STARD4: variants seen among roughly 807,000 people sequenced by gnomAD.
The protein encoded by STARD4 is StAR related lipid transfer domain containing 4.
In STARD4, 33 loss-of-function variants were observed where a neutral mutation model predicts 24.9. The observed-to-expected ratio is 1.32, with a 90% CI of 1.00 to 1.77. The LOEUF is 1.77. STARD4 is among the 40% of genes most tolerant of loss of function. STARD4 has a pLI of 0.00. For synonymous variants in STARD4, 88 were observed against 77.4 expected, an observed-to-expected ratio of 1.14 and a Z score of -0.72; for missense variants, 238 against 249.3, an observed-to-expected ratio of 0.95 and a Z score of 0.31.
Position 111,499,978 on chromosome 5 carries a change from C to G in STARD4, c.526G>C (p.Asp176His), listed in dbSNP as rs777730676. Residue 176 changes from aspartate to histidine, a missense_variant, in exon 6 of 6, where the codon GAT (aspartate) becomes CAT (histidine). By Grantham distance (81) the Asp-to-His change is moderately conservative. Coordinates refer to ENST00000296632, the MANE Select transcript of STARD4 (RefSeq NM_139164.3). ...GACTGAGGAATCATCCCACGCAGAT[C>G]TGTCTGAATATATCCTGTCAAAAGA... Reference protein sequence around the residue: ...QSLLTGYIQTDLRGMIPQSAV... With the variant: ...QSLLTGYIQTHLRGMIPQSAV... 3.7e-6 allele frequency: 6 copies of G among 1,614,170 alleles called. No homozygotes were observed. The highest frequency in any genetic ancestry group is 5.1e-6 in the Non-Finnish European group (6 of 1,180,018).
At chr5:111,504,883 C>A in intron 3 of STARD4, 1 of 404,892 alleles carries the variant, frequency 2.5e-6, no homozygotes, top group Non-Finnish European at 4.8e-6. Context: ...ATTTGGCTCT[C>A]AATAAACGTT....
intron 1 of STARD4, among the ~76,000 whole-genome samples, chr5:111,510,365 C>T (rs997665947): frequency 2.0e-5 from 3 of 152,140 alleles, no homozygotes; most frequent in African/African-American, 4.8e-5. Context: ...ACCTAATTTG[C>T]CCTCCTGCAA....
At chr5:111,500,425 C>T in intron 5 of STARD4, 2 of 1,077,110 alleles carry the variant, frequency 1.9e-6, no homozygotes, top group Non-Finnish European at 2.2e-6. Context: ...TCCATGGTAC[C>T]GTAACTATTC....
Position 111,501,119 on chromosome 5 carries a change from GA to G in STARD4, c.283-4del, listed in dbSNP as rs1272743834. 6.3e-7 allele frequency: 1 copy of G among 1,584,144 alleles called. No homozygotes were observed. Among genetic ancestry groups the G allele is most frequent in the African/African-American group, 1.4e-5 (1 of 72,810 alleles). On this transcript the variant is annotated splice_polypyrimidine_tract_variant and splice_region_variant and intron_variant, in intron 4 of 5. Transcript: ENST00000296632. ...GTGTAACGCATCACACAGCAATTCT[GA>G]AAAAGAAGAGATAAGACAAGTGTTA...
intron 5 of STARD4, chr5:111,500,658 C>G: frequency 7.9e-7 from 1 of 1,259,952 alleles, no homozygotes. Flanking sequence ...TAAGACACAC[C>G]AAATCTAGTA....
chr5:111,506,949 A>G (rs1386629118), intron 2 of STARD4, among the ~76,000 whole-genome samples: 1 of 152,230 alleles, frequency 6.6e-6, no homozygotes, highest in East Asian at 1.9e-4. Flanking sequence ...ATTAGTAAAA[A>G]GGAATACTAA....
intron 3 of STARD4, chr5:111,505,105 T>C (rs1027730299): frequency 1.4e-5 from 6 of 443,274 alleles, no homozygotes; most frequent in Non-Finnish European, 2.7e-5. Flanking sequence ...CAATTCCTTC[T>C]GCCTAGAACA....
rs1274337991 is a variant in STARD4 at position 111,507,458 on chromosome 5, A to G, written c.-9-16T>C. The G allele has an allele frequency of 1.3e-6, 2 of 1,598,552 alleles. No homozygotes were observed. The highest frequency in any genetic ancestry group is 1.7e-6 in the Non-Finnish European group (2 of 1,170,246). On this transcript the variant is annotated splice_polypyrimidine_tract_variant and intron_variant, in intron 1 of 5. Coordinates refer to ENST00000296632, the MANE Select transcript of STARD4 (RefSeq NM_139164.3). This position sits in a 1 kb window ranked among gnomAD's most constrained non-coding sequence, Gnocchi z 4.4. ...TTACTTCTCTCTGTTATGGAGACCA[A>G]GATTAGCATCAGCAAATACCACAGT...
chr5:111,500,981 A>G (rs747126777), intron 5 of STARD4, 21 bp downstream of exon 5: 11 of 1,613,658 alleles, frequency 6.8e-6, no homozygotes, highest in East Asian at 4.5e-5. Context: ...GAAAAAAAGC[A>G]TAACATGTTG....
At chr5:111,503,593 C>G (rs1756631680) in intron 3 of STARD4, among the ~76,000 whole-genome samples, 1 of 152,122 alleles carries the variant, frequency 6.6e-6, no homozygotes, top group African/African-American at 2.4e-5. Context: ...TGCGTCACTG[C>G]ACTCCAGCCT....
intron 3 of STARD4, among the ~76,000 whole-genome samples, chr5:111,505,456 T>C (rs1402026685): frequency 2.0e-5 from 3 of 152,208 alleles, no homozygotes; most frequent in Admixed American, 6.5e-5. Context: ...ATGTGAACAT[T>C]CTACTCCAAG....
chr5:111,503,727 C>G (rs189632467), intron 3 of STARD4, among the ~76,000 whole-genome samples: 3 of 152,014 alleles, frequency 2.0e-5, no homozygotes, highest in African/African-American at 7.2e-5. Context: ...AGGGGGATTT[C>G]TTGAATATGT....
Position 111,509,755 on chromosome 5 carries a change from C to CG in STARD4, c.-9-2314_-9-2313insC, listed in dbSNP as rs1354063963. On this transcript the variant is annotated intron_variant, in intron 1 of 5. Transcript: ENST00000296632. ...GAAAAATGTATAGACAATAAGCTAC[C>CG]ATTCTCACTTATGGAAGACCTCAAG... 5.9e-5 allele frequency among the ~76,000 whole-genome samples: 9 copies of CG among 152,172 alleles called. No homozygotes were observed. The East Asian group carries it at 1.5e-3, about 26-fold the overall frequency.
chr5:111,506,456 C>T, intron 2 of STARD4, 77 bp from the exon 3 acceptor site: 1 of 604,742 alleles, frequency 1.7e-6, no homozygotes, highest in Non-Finnish European at 2.7e-6. Context: ...TTTTATAAGT[C>T]TATAGAATTT....
rs1756128446 is a variant in STARD4, at chr5:111,496,919, G to A, written c.*2967C>T. 1.3e-5 allele frequency: 2 copies of A among 151,816 alleles called. No individual in the cohort carries two copies. Among genetic ancestry groups the A allele is most frequent in the Admixed American group, 6.6e-5 (1 of 15,252 alleles). The allele number at this position is 151,816 out of a possible 1,614,324, so 9.4% of individuals were successfully genotyped here. A position where few individuals can be genotyped will look rare whatever the true frequency, so the allele number is the denominator to read the frequency against. On this transcript the variant is annotated 3_prime_UTR_variant, in exon 6 of 6. Coordinates refer to ENST00000296632, the MANE Select transcript of STARD4 (RefSeq NM_139164.3). ...TTATCTTATAGATTAGTTAACTACA[G>A]AATACTAGATTCTCATTATTTTTTT...
chr5:111,496,278 A>AATT lies in STARD4; in HGVS notation c.*3605_*3607dup, dbSNP rs1378586506. ...CGTAAAAACAATACAATAATTTAAA[A>AATT]ATTATAGTTCCAACTTCCTGTTTTT... On this transcript the variant is annotated 3_prime_UTR_variant, in exon 6 of 6. Transcript: ENST00000296632. 8 of 152,082 alleles carry AATT rather than the reference A, an allele frequency of 5.3e-5. No homozygotes were observed. Among genetic ancestry groups the AATT allele is most frequent in the African/African-American group, 1.7e-4 (7 of 41,424 alleles). 9.4% of individuals were successfully genotyped at this position (152,082 alleles called of 1,614,324 possible).
rs1310876103 is a variant in STARD4, at chr5:111,507,038, TG to T, written c.105+290del. Among the ~76,000 whole-genome samples the T allele has an allele frequency of 5.4e-4, 83 of 152,330 alleles. No homozygotes were observed. Among genetic ancestry groups the T allele is most frequent in the Non-Finnish European group, 5.9e-5 (4 of 68,020 alleles). ...GTACTACACTTTCTTAAATTAATAATGATACATTTTATTTGCTGACTTAAGA... is the reference window on the plus strand; with the variant it reads ...GTACTACACTTTCTTAAATTAATAATATACATTTTATTTGCTGACTTAAGA... On this transcript the variant is annotated intron_variant, in intron 2 of 5. Transcript: ENST00000296632. This position sits in a 1 kb window ranked among gnomAD's most constrained non-coding sequence, Gnocchi z 4.4.
chr5:111,501,907 A>G, intron 4 of STARD4, 55 bp downstream of exon 4: 2 of 1,606,720 alleles, frequency 1.2e-6, no homozygotes, highest in South Asian at 1.1e-5. Context: ...TGGCTCACTC[A>G]TGCCCTCCCT....
At chr5:111,504,691 T>C (rs1402246538) in intron 3 of STARD4, among the ~76,000 whole-genome samples, 1 of 152,230 alleles carries the variant, frequency 6.6e-6, no homozygotes, top group Non-Finnish European at 1.5e-5. Flanking sequence ...ATCTGCTCTC[T>C]CATCTTGTAT....
Sources: gnomAD v4.1 joint callset for allele counts (sites outside exome capture counted in the v4.1 genomes callset) on GRCh38, gnomAD v4.1.1 for gene constraint, Gnocchi (gnomAD v3.1) non-coding constraint, MANE v1.5 for transcripts, NCBI Gene and HGNC (gene_info 2026-07-23, HGNC 2026-07-21) for gene names.